Variants in PITPNM3 observed in about 807,000 individuals in gnomAD.
PITPNM3 encodes the protein membrane-associated phosphatidylinositol transfer protein 3.
A neutral mutation model predicts 102.0 loss-of-function variants in PITPNM3; 26 were observed. That is an observed-to-expected ratio of 0.25 (90% CI 0.19 to 0.35). The LOEUF is 0.35. PITPNM3 is among the 10% of genes least tolerant of loss of function. The pLI, the probability that PITPNM3 is intolerant of heterozygous loss-of-function variation, is 1.00. For synonymous variants in PITPNM3, 578 were observed against 558.6 expected, an observed-to-expected ratio of 1.03 and a Z score of -0.49; for missense variants, 1,083 against 1,346.1, an observed-to-expected ratio of 0.80 and a Z score of 3.06.
chr17:6,467,083 A>AAAAAAAAC (rs1904821847), intron 14 of PITPNM3, among the ~76,000 whole-genome samples: 3 of 24,124 alleles, frequency 1.2e-4, no homozygotes, highest in African/African-American at 2.2e-4. Flanking sequence ...AAAAAAACCA[A>AAAAAAAAC]AAAAAAAAAA....
In PITPNM3 at chr17:6,483,499, A is replaced by C. The variant is rs3809837; in HGVS notation, c.587+18T>G. 7 of 1,606,366 alleles carry C rather than the reference A, an allele frequency of 4.4e-6. No individual in the cohort carries two copies. In the East Asian group the frequency reaches 1.6e-4, roughly 36 times the overall value. On this transcript the variant is annotated intron_variant, in intron 6 of 19. Transcript: ENST00000262483. ...CCCACCAACCCCAACCAGTTCAAAC[A>C]AGCAGAAATGGACTCACTGAGAGAC...
intron 10 of PITPNM3, chr17:6,473,130 C>T: frequency 2.3e-6 from 1 of 437,334 alleles, no homozygotes; most frequent in African/African-American, 2.0e-5. Context: ...CTCCCTCCCC[C>T]ATTTCCACGG....
intron 14 of PITPNM3, among the ~76,000 whole-genome samples, 160 bp from the exon 15 acceptor site, chr17:6,464,931 C>T (rs764857206): frequency 6.6e-6 from 1 of 152,194 alleles, no homozygotes; most frequent in East Asian, 1.9e-4. Context: ...TCCCAGGGAA[C>T]GTGTGAGAAA....
intron 9 of PITPNM3, among the ~76,000 whole-genome samples, chr17:6,475,991 A>G (rs1281068459): frequency 1.3e-5 from 2 of 152,222 alleles, no homozygotes; most frequent in African/African-American, 4.8e-5. Flanking sequence ...TTTATGCACA[A>G]AGATGTTCAC....
At position 6,455,257 on chromosome 17, in the gene PITPNM3, C is replaced by A; in HGVS notation, c.*81G>T. ...GGAAAAAGCAGGAAAACGCCTGTGT[C>A]GGGGAGAGGGCAGCCCCCTCCCGTC... On this transcript the variant is annotated 3_prime_UTR_variant, in exon 20 of 20. Coordinates refer to ENST00000262483, the MANE Select transcript of PITPNM3 (RefSeq NM_031220.4). The A allele has an allele frequency of 6.8e-7, 1 of 1,461,354 alleles. No homozygotes were observed. Among genetic ancestry groups the A allele is most frequent in the South Asian group, 1.3e-5 (1 of 75,384 alleles). The allele number at this position is 1,461,354 out of a possible 1,614,324, so 90.5% of individuals were successfully genotyped here.
chr17:6,456,100 C>T (rs1003244737), intron 19 of PITPNM3, among the ~76,000 whole-genome samples: 3 of 152,008 alleles, frequency 2.0e-5, no homozygotes, highest in South Asian at 2.1e-4. Flanking sequence ...CTCAGCTCAC[C>T]GCAGTCTCAA....
chr17:6,474,348 C>A lies in PITPNM3; in HGVS notation c.1258+84G>T, dbSNP rs11078632. On this transcript the variant is annotated intron_variant, in intron 10 of 19. Coordinates refer to ENST00000262483, the MANE Select transcript of PITPNM3 (RefSeq NM_031220.4). ...TGACCCTCCCTGCCCCTGTCCCCGA[C>A]TTCACTCTCCTCATTCTGAGGCCCT... is the stretch of plus-strand genomic sequence containing the variant. 481,166 of 1,523,450 alleles carry A rather than the reference C, an allele frequency of 0.32. 81,853 individuals carry two copies. The highest frequency in any genetic ancestry group is 0.36 in the Non-Finnish European group (395,234 of 1,110,254). 94.4% of individuals were successfully genotyped at this position (1,523,450 alleles called of 1,614,324 possible). A position where few individuals can be genotyped will look rare whatever the true frequency, so the allele number is the denominator to read the frequency against.
chr17:6,508,195 A>C (rs1182701419), intron 3 of PITPNM3, among the ~76,000 whole-genome samples: 1 of 152,176 alleles, frequency 6.6e-6, no homozygotes, highest in Non-Finnish European at 1.5e-5. Flanking sequence ...AAGAAGAGGG[A>C]AAATGTCAGA....
At position 6,537,798 on chromosome 17, in the gene PITPNM3, T is replaced by C. The variant is rs1257120399; in HGVS notation, c.118+189A>G. 6.6e-6 allele frequency among the ~76,000 whole-genome samples: 1 copy of C among 152,204 alleles called. No homozygotes were observed. The highest frequency in any genetic ancestry group is 2.4e-5 in the African/African-American group (1 of 41,466). ...GCACATGTGAGGGGTTCAGCAAATA[T>C]TTCAAACAGTGAACAGACGAAGGCT... On this transcript the variant is annotated intron_variant, in intron 2 of 19. Coordinates refer to ENST00000262483, the MANE Select transcript of PITPNM3 (RefSeq NM_031220.4). This position sits in a 1 kb window ranked among gnomAD's most constrained non-coding sequence, Gnocchi z 4.4.
Position 6,457,516 on chromosome 17 carries a change from G to A in PITPNM3, c.2619+78C>T. ...GGAATGAACAAATGAATGAATGAAT[G>A]AATGAAGTGCTTACTCCCTCTATCC... is the stretch of plus-strand genomic sequence containing the variant. On this transcript the variant is annotated intron_variant, in intron 19 of 19. Coordinates refer to ENST00000262483, the MANE Select transcript of PITPNM3 (RefSeq NM_031220.4). This position sits in a 1 kb window ranked among gnomAD's most constrained non-coding sequence, Gnocchi z 4.7. 3 of 1,590,162 alleles carry A rather than the reference G, an allele frequency of 1.9e-6. No homozygotes were observed. The highest frequency in any genetic ancestry group is 2.6e-6 in the Non-Finnish European group (3 of 1,163,158).
chr17:6,482,366 C>T (rs368230854), intron 6 of PITPNM3, among the ~76,000 whole-genome samples: 7 of 152,254 alleles, frequency 4.6e-5, no homozygotes, highest in East Asian at 1.9e-4. Flanking sequence ...GGAGAGCTTC[C>T]GGAGAGCTGA....
Position 6,468,074 on chromosome 17 carries a change from C to T in PITPNM3, c.1890+151G>A, listed in dbSNP as rs1442358137. Reference sequence around the variant, plus strand: ...CCCTTGCAGCTGCAGTGCCTGGGCTCCATCTGAGTGTGAGCCCCAGCCTGT... The same window carrying T: ...CCCTTGCAGCTGCAGTGCCTGGGCTTCATCTGAGTGTGAGCCCCAGCCTGT... On this transcript the variant is annotated intron_variant, in intron 14 of 19. Transcript: ENST00000262483. This position sits in a 1 kb window ranked among gnomAD's most constrained non-coding sequence, Gnocchi z 5.2. 4 of 778,450 alleles carry T rather than the reference C, an allele frequency of 5.1e-6. No individual in the cohort carries two copies. Among genetic ancestry groups the T allele is most frequent in the African/African-American group, 1.7e-5 (1 of 59,022 alleles). 48.2% of individuals were successfully genotyped at this position (778,450 alleles called of 1,614,324 possible).
At chr17:6,518,643 A>G (rs1239313559) in intron 3 of PITPNM3, among the ~76,000 whole-genome samples, 3 of 152,228 alleles carry the variant, frequency 2.0e-5, no homozygotes, top group African/African-American at 4.8e-5. Context: ...TAAGTAGAGA[A>G]AACGGTAGAC....
chr17:6,501,994 C>T (rs113095256), intron 4 of PITPNM3, among the ~76,000 whole-genome samples: 33 of 152,166 alleles, frequency 2.2e-4, no homozygotes, highest in African/African-American at 6.8e-4. Flanking sequence ...TACACCCCTA[C>T]GAGTGCTCAG....
At chr17:6,535,078 T>C (rs1404004368) in intron 2 of PITPNM3, among the ~76,000 whole-genome samples, 1 of 152,070 alleles carries the variant, frequency 6.6e-6, no homozygotes, top group East Asian at 1.9e-4. Flanking sequence ...GAGGCTCTGG[T>C]GCAGGATGTC....
intron 10 of PITPNM3, 98 bp downstream of exon 10, chr17:6,474,334 G>T: frequency 6.8e-7 from 1 of 1,465,932 alleles, no homozygotes; most frequent in South Asian, 1.2e-5. Context: ...GACCCTCCCT[G>T]CCCCTGTCCC....
chr17:6,521,248 C>A (rs1381874471), intron 3 of PITPNM3: 1 of 152,138 alleles, frequency 6.6e-6, no homozygotes, highest in Non-Finnish European at 1.5e-5. Context: ...CCTGTCTCTA[C>A]TAAAAATACA....
intron 17 of PITPNM3, among the ~76,000 whole-genome samples, chr17:6,461,863 C>CCCTCTT (rs1555550768): frequency 7.3e-5 from 11 of 151,348 alleles, no homozygotes; most frequent in South Asian, 2.1e-4. Flanking sequence ...GTGCCTCCCT[C>CCCTCTT]CCTCCTCCTC....
intron 10 of PITPNM3, chr17:6,473,281 A>G: frequency 4.1e-6 from 1 of 246,830 alleles, no homozygotes; most frequent in Non-Finnish European, 8.1e-6. Context: ...CTGCTGCTAG[A>G]GTTCCAGGTT....
Sources: allele counts gnomAD v4.1 joint callset (sites outside exome capture counted in the v4.1 genomes callset), GRCh38; gene constraint gnomAD v4.1.1; non-coding constraint Gnocchi (gnomAD v3.1); transcripts MANE v1.5; gene names NCBI Gene and HGNC (gene_info 2026-07-23, HGNC 2026-07-21).